Variants in TMPRSS15 observed in about 807,000 individuals in gnomAD.
TMPRSS15 encodes the protein enteropeptidase.
A neutral mutation model predicts 125.3 loss-of-function variants in TMPRSS15; 128 were observed. That is an observed-to-expected ratio of 1.02 (90% CI 0.89 to 1.18). TMPRSS15 has a LOEUF of 1.18. TMPRSS15 is among the 50% of genes most tolerant of loss of function. The pLI, the probability that TMPRSS15 is intolerant of heterozygous loss-of-function variation, is 0.00. For missense variants in TMPRSS15, 1,283 were observed against 1,212.7 expected (o/e 1.06, Z -0.86); for synonymous variants, 446 against 423.2 (o/e 1.05, Z -0.66).
chr21:18,414,254 G>A (rs2076174803), intron 1 of TMPRSS15, among the ~76,000 whole-genome samples: 1 of 151,870 alleles, frequency 6.6e-6, no homozygotes. Flanking sequence ...TCAGACAAAT[G>A]CCAACAATGT....
intron 5 of TMPRSS15, among the ~76,000 whole-genome samples, chr21:18,374,726 G>A (rs1189472636): frequency 1.3e-5 from 2 of 152,296 alleles, no homozygotes; most frequent in South Asian, 2.1e-4. Flanking sequence ...GTTGGACCAT[G>A]TGAAACACCA....
chr21:18,422,591 G>A (rs2076194592), intron 1 of TMPRSS15, among the ~76,000 whole-genome samples: 2 of 152,162 alleles, frequency 1.3e-5, no homozygotes, highest in African/African-American at 2.4e-5. Flanking sequence ...ACCCTATGAT[G>A]TTAAACAGTA....
Position 18,409,224 on chromosome 21 carries a change from A to G in TMPRSS15, c.11-10895T>C, listed in dbSNP as rs545165600. Among the ~76,000 whole-genome samples, 171 of 151,752 alleles carry G rather than the reference A, an allele frequency of 1.1e-3. 7 individuals carry two copies. The South Asian group carries it at 0.034, about 30-fold the overall frequency. ...TGCTAACCCTTTTTCTTACTTTTGT[A>G]TGTGACATGTTTTATATCTGCCTGA... On this transcript the variant is annotated intron_variant, in intron 1 of 7. Coordinates refer to the TMPRSS15 transcript ENST00000422787.
chr21:18,457,863 T>A (rs1441196964), intron 1 of TMPRSS15, among the ~76,000 whole-genome samples: 6 of 152,188 alleles, frequency 3.9e-5, no homozygotes, highest in African/African-American at 1.4e-4. Context: ...GTTTAAATTC[T>A]GTGGCCTGAG....
At chr21:18,294,782 A>C (rs1446742358) in intron 19 of TMPRSS15, 130 bp from the exon 20 acceptor site, 2 of 802,354 alleles carry the variant, frequency 2.5e-6, no homozygotes, top group Admixed American at 4.4e-5. Context: ...AAATGTAGGG[A>C]GACTGAATTG....
chr21:18,277,152 A>G lies in TMPRSS15; in HGVS notation c.2764+1812T>C, dbSNP rs74805583. Among the ~76,000 whole-genome samples the G allele has an allele frequency of 8.4e-3, 1,286 of 152,276 alleles. 19 individuals are homozygous for G. The highest frequency in any genetic ancestry group is 0.029 in the African/African-American group (1,219 of 41,546). ...CGTGAAACTTACCATCACTCAAGAAATATTTAAACATGATCTAGCTGTTTA... is the reference window on the plus strand; with the variant it reads ...CGTGAAACTTACCATCACTCAAGAAGTATTTAAACATGATCTAGCTGTTTA... On this transcript the variant is annotated intron_variant, in intron 23 of 24. Coordinates refer to ENST00000284885, the MANE Select transcript of TMPRSS15 (RefSeq NM_002772.3).
intron 4 of TMPRSS15, among the ~76,000 whole-genome samples, chr21:18,382,777 C>T (rs953592697): frequency 6.6e-6 from 1 of 152,076 alleles, no homozygotes; most frequent in Non-Finnish European, 1.5e-5. Context: ...ATGACCTTGG[C>T]AAATTACTAC....
At position 18,297,842 on chromosome 21, in the gene TMPRSS15, GA is replaced by G; in HGVS notation, c.2166-14del. 6.3e-7 allele frequency: 1 copy of G among 1,577,410 alleles called. No homozygotes were observed. Among genetic ancestry groups the G allele is most frequent in the Non-Finnish European group, 8.7e-7 (1 of 1,147,412 alleles). On this transcript the variant is annotated splice_polypyrimidine_tract_variant and intron_variant, in intron 18 of 24. Transcript: ENST00000284885. ...TGAGTTTCCACTCCTAGAGAAAAAA[GA>G]AAAAAGCATACAGACAAAACAAAAG... is the stretch of plus-strand genomic sequence containing the variant.
upstream of TMPRSS15, among the ~76,000 whole-genome samples, chr21:18,404,633 G>A (rs80334783): frequency 0.017 from 2,647 of 152,054 alleles, 38 homozygotes; most frequent in Non-Finnish European, 0.029. Context: ...AAATAAAACC[G>A]AATCTATTCT....
At chr21:18,413,264 TTCTC>T (rs1358974569) in intron 1 of TMPRSS15, among the ~76,000 whole-genome samples, 3 of 146,828 alleles carry the variant, frequency 2.0e-5, no homozygotes, top group South Asian at 2.3e-4. Context: ...CTTTCTTTCT[TTCTC>T]TTTCTTTTTC....
chr21:18,336,693 T>A (rs2075396343), intron 13 of TMPRSS15, among the ~76,000 whole-genome samples: 1 of 152,180 alleles, frequency 6.6e-6, no homozygotes, highest in South Asian at 2.1e-4. Context: ...TGAGTCTTAC[T>A]CTGTTGCCCA....
At chr21:18,338,817 C>T (rs2075419301) in intron 13 of TMPRSS15, among the ~76,000 whole-genome samples, 1 of 152,110 alleles carries the variant, frequency 6.6e-6, no homozygotes, top group Admixed American at 6.5e-5. Flanking sequence ...ATCAGTCATA[C>T]ACTGGTAAAG....
intron 13 of TMPRSS15, among the ~76,000 whole-genome samples, chr21:18,334,064 A>T (rs551818748): frequency 7.9e-5 from 12 of 152,322 alleles, no homozygotes; most frequent in African/African-American, 2.9e-4. Flanking sequence ...AGGGATAATT[A>T]AGTGTCTCTA....
At chr21:18,387,612 T>TACACACACACACACAC (rs57708622) in intron 3 of TMPRSS15, among the ~76,000 whole-genome samples, 6 of 145,200 alleles carry the variant, frequency 4.1e-5, no homozygotes, top group South Asian at 2.2e-4. Flanking sequence ...CACACACACA[T>TACACACACACACACAC]ACACACACAC....
intron 24 of TMPRSS15, 128 bp from the exon 25 acceptor site, chr21:18,270,252 CTG>C (rs2146845486): frequency 1.3e-6 from 1 of 786,764 alleles, no homozygotes; most frequent in Admixed American, 2.3e-5. Flanking sequence ...TGCAAGTCAT[CTG>C]TATATATTCT....
At chr21:18,438,656 A>C (rs1046204059) in intron 1 of TMPRSS15, among the ~76,000 whole-genome samples, 2 of 152,200 alleles carry the variant, frequency 1.3e-5, no homozygotes, top group African/African-American at 4.8e-5. Context: ...TCACAGTAAG[A>C]ATAACTGCCA....
At chr21:18,311,621 C>T (rs1308364749) in intron 18 of TMPRSS15, among the ~76,000 whole-genome samples, 1 of 152,058 alleles carries the variant, frequency 6.6e-6, no homozygotes, top group Non-Finnish European at 1.5e-5. Context: ...AAGAAGAACA[C>T]CCATAGACTG....
At chr21:18,448,653 A>T (rs1188308864) in intron 1 of TMPRSS15, among the ~76,000 whole-genome samples, 1 of 152,144 alleles carries the variant, frequency 6.6e-6, no homozygotes, top group Non-Finnish European at 1.5e-5. Flanking sequence ...ATGGCCTATC[A>T]TGGAAACAGT....
intron 8 of TMPRSS15, among the ~76,000 whole-genome samples, chr21:18,354,996 A>G (rs1479777551): frequency 6.6e-6 from 1 of 151,860 alleles, no homozygotes; most frequent in Non-Finnish European, 1.5e-5. Context: ...TTTCAACATA[A>G]TCTAATAGAA....
Sources: gnomAD v4.1 joint callset for allele counts (sites outside exome capture counted in the v4.1 genomes callset) on GRCh38, gnomAD v4.1.1 for gene constraint, MANE v1.5 for transcripts, NCBI Gene and HGNC (gene_info 2026-07-23, HGNC 2026-07-21) for gene names.